EPB41L5: variants seen among roughly 807,000 people sequenced by gnomAD.
EPB41L5 encodes band 4.1-like protein 5.
Under a neutral mutation model 106.6 loss-of-function variants are expected in EPB41L5, and 55 were observed. That is an observed-to-expected ratio of 0.52 (90% CI 0.42 to 0.65). The LOEUF (loss-of-function observed/expected upper bound fraction) is 0.65. EPB41L5 is among the 30% of genes least tolerant of loss of function. EPB41L5 has a pLI of 0.00. For missense variants in EPB41L5, 871 were observed against 882.1 expected (o/e 0.99, Z 0.16); for synonymous variants, 297 against 306.7 (o/e 0.97, Z 0.33).
chr2:120,086,813 G>T (rs1006543525), intron 10 of EPB41L5, among the ~76,000 whole-genome samples: 1 of 152,104 alleles, frequency 6.6e-6, no homozygotes, highest in East Asian at 1.9e-4. Context: ...CTTTATGGTC[G>T]TTCCTATGTC....
intron 17 of EPB41L5, among the ~76,000 whole-genome samples, chr2:120,129,704 C>T (rs796549629): frequency 6.6e-6 from 1 of 152,154 alleles, no homozygotes; most frequent in East Asian, 1.9e-4. Flanking sequence ...TGAAATATAA[C>T]TCTCCAAATA....
chr2:120,055,142 C>T (rs915318915), intron 3 of EPB41L5, among the ~76,000 whole-genome samples: 5 of 152,032 alleles, frequency 3.3e-5, no homozygotes, highest in African/African-American at 7.2e-5. Context: ...GAATTATAGG[C>T]GTGAGCCACC....
chr2:120,013,338 A>G (rs1406757931), intron 1 of EPB41L5, 128 bp downstream of exon 1: 5 of 151,486 alleles, frequency 3.3e-5, no homozygotes, highest in Admixed American at 2.6e-4. Context: ...CCGCACCCAG[A>G]CCCTAGGGCG....
At chr2:120,056,432 G>C (rs1485717204) in intron 3 of EPB41L5, among the ~76,000 whole-genome samples, 1 of 151,938 alleles carries the variant, frequency 6.6e-6, no homozygotes, top group African/African-American at 2.4e-5. Flanking sequence ...CCAAGGAGCT[G>C]GGATGACAGG....
chr2:120,115,214 T>G (rs1337113527), intron 16 of EPB41L5, among the ~76,000 whole-genome samples: 5 of 152,218 alleles, frequency 3.3e-5, no homozygotes, highest in Non-Finnish European at 7.3e-5. Context: ...ATTTTGCCAA[T>G]CTCTGTCTTT....
chr2:120,069,978 A>G (rs1681745716), intron 3 of EPB41L5, among the ~76,000 whole-genome samples: 1 of 152,216 alleles, frequency 6.6e-6, no homozygotes, highest in South Asian at 2.1e-4. Flanking sequence ...GAACTGAAGG[A>G]GATAGAAACA....
chr2:120,106,766 G>T, intron 16 of EPB41L5: 2 of 985,364 alleles, frequency 2.0e-6, no homozygotes, highest in Non-Finnish European at 2.4e-6. Flanking sequence ...GAACATAAAT[G>T]AGCTCATAAG....
chr2:120,167,896 A>G lies in EPB41L5; in HGVS notation c.2024A>G (p.Asn675Ser), dbSNP rs761621882. The G allele has an allele frequency of 1.9e-6, 3 of 1,614,138 alleles. No individual in the cohort carries two copies. Among genetic ancestry groups the G allele is most frequent in the East Asian group, 2.2e-5 (1 of 44,882 alleles). The change falls in exon 24 of 25, where the codon AAT (asparagine) becomes AGT (serine). Residue 675 changes from asparagine (N) to serine (S), a missense_variant. By Grantham distance (46) the Asn-to-Ser change is conservative. Coordinates refer to ENST00000263713, the MANE Select transcript of EPB41L5 (RefSeq NM_020909.4). ...CCACAGCAGAGTGGTGCCATGTCTA[A>G]TGGACTTGCGGGATGTGAAATGCTT... is the stretch of plus-strand genomic sequence containing the variant. ...WIVPQSGAMS[N>S]GLAGCEMLLT...
intron 3 of EPB41L5, among the ~76,000 whole-genome samples, chr2:120,069,887 TA>T (rs1164480495): frequency 6.6e-6 from 1 of 152,114 alleles, no homozygotes; most frequent in Non-Finnish European, 1.5e-5. Context: ...ATCGACACCC[TA>T]ACGTCACGAT....
At chr2:120,095,230 A>G (rs1683667052) in intron 14 of EPB41L5, among the ~76,000 whole-genome samples, 1 of 152,046 alleles carries the variant, frequency 6.6e-6, no homozygotes, top group Non-Finnish European at 1.5e-5. Flanking sequence ...GTTAATTGTT[A>G]TATTATCCTG....
intron 24 of EPB41L5, 78 bp from the exon 25 acceptor site, chr2:120,174,763 G>A: frequency 8.2e-7 from 1 of 1,217,358 alleles, no homozygotes. Flanking sequence ...AATGCTCTGT[G>A]TGGCACTAAT....
At chr2:120,128,626 T>TTGA (rs2105464881) in intron 17 of EPB41L5, among the ~76,000 whole-genome samples, 1 of 152,184 alleles carries the variant, frequency 6.6e-6, no homozygotes, top group African/African-American at 2.4e-5. Flanking sequence ...ATAGAACATG[T>TTGA]TGAAGTATGA....
chr2:120,075,127 C>A (rs984332056), intron 5 of EPB41L5, among the ~76,000 whole-genome samples: 2 of 152,152 alleles, frequency 1.3e-5, no homozygotes, highest in African/African-American at 4.8e-5. Flanking sequence ...TGCACCAGGC[C>A]TTTAATTAAG....
At chr2:120,093,220 A>AT (rs1683530065) in intron 13 of EPB41L5, 29 bp from the exon 14 acceptor site, 1 of 1,602,818 alleles carries the variant, frequency 6.2e-7, no homozygotes, top group African/African-American at 1.3e-5. Flanking sequence ...GATGAAACTA[A>AT]TGAGGTGTTA....
chr2:120,055,115 G>A (rs1049127376), intron 3 of EPB41L5, among the ~76,000 whole-genome samples: 2 of 151,860 alleles, frequency 1.3e-5, no homozygotes, highest in Admixed American at 6.6e-5. Flanking sequence ...CGCCTGCCTC[G>A]GCCTCCCAAA....
intron 16 of EPB41L5, chr2:120,104,423 T>C: frequency 1.5e-6 from 2 of 1,365,868 alleles, no homozygotes; most frequent in East Asian, 5.6e-5. Flanking sequence ...AAGGAAGCCA[T>C]ATAGCATCAA....
At chr2:120,079,994 A>G (rs1156962503) in intron 10 of EPB41L5, among the ~76,000 whole-genome samples, 2 of 152,266 alleles carry the variant, frequency 1.3e-5, no homozygotes, top group South Asian at 2.1e-4. Flanking sequence ...ATTTGTTTGA[A>G]TGCTTAAATG....
At chr2:120,156,051 G>A (rs1384266162) in intron 20 of EPB41L5, among the ~76,000 whole-genome samples, 1 of 152,160 alleles carries the variant, frequency 6.6e-6, no homozygotes, top group Non-Finnish European at 1.5e-5. Context: ...GAGCCCAGAG[G>A]GTTTGGTGCA....
intron 9 of EPB41L5, among the ~76,000 whole-genome samples, chr2:120,077,558 G>GTTATT (rs988350030): frequency 1.8e-4 from 28 of 152,210 alleles, no homozygotes; most frequent in East Asian, 1.2e-3. Context: ...CTTTTAAGCT[G>GTTATT]TTATTTTATT....
Sources: gnomAD v4.1 joint callset for allele counts (sites outside exome capture counted in the v4.1 genomes callset) on GRCh38, gnomAD v4.1.1 for gene constraint, MANE v1.5 for transcripts, NCBI Gene and HGNC (gene_info 2026-07-23, HGNC 2026-07-21) for gene names.